Variants in GMPS observed in about 807,000 individuals in gnomAD.
GMPS encodes the protein GMP synthase [glutamine-hydrolyzing].
Under a neutral mutation model 77.9 loss-of-function variants are expected in GMPS, and 15 were observed. The observed-to-expected ratio is 0.19, with a 90% confidence interval of 0.13 to 0.30. The LOEUF is 0.30. Among genes scored for constraint, GMPS ranks in the 10% least tolerant of loss-of-function variants. GMPS has a pLI of 1.00. For synonymous variants in GMPS, 224 were observed against 275.9 expected (o/e 0.81, Z 1.86); for missense variants, 590 against 838.8 (o/e 0.70, Z 3.66).
At chr3:155,870,949 G>C (rs932936524) in intron 1 of GMPS, 52 bp downstream of exon 1, 6 of 1,402,574 alleles carry the variant, frequency 4.3e-6, no homozygotes, top group Non-Finnish European at 4.6e-6. Context: ...CGAGGCTCCC[G>C]GACCGGGGAG....
intron 5 of GMPS, among the ~76,000 whole-genome samples, chr3:155,909,925 G>A (rs1280129063): frequency 6.6e-6 from 1 of 150,920 alleles, no homozygotes; most frequent in African/African-American, 2.4e-5. Context: ...CTGGGTGACA[G>A]AGCAGTAAAT....
At chr3:155,885,090 C>T (rs1053076140) in intron 1 of GMPS, among the ~76,000 whole-genome samples, 42 of 152,136 alleles carry the variant, frequency 2.8e-4, no homozygotes, top group African/African-American at 9.4e-4. Flanking sequence ...ATACGTAACA[C>T]GTAGAAACTA....
intron 1 of GMPS, among the ~76,000 whole-genome samples, chr3:155,882,854 C>T (rs1255424543): frequency 6.6e-6 from 1 of 152,142 alleles, no homozygotes; most frequent in Non-Finnish European, 1.5e-5. Flanking sequence ...GATTCATTCT[C>T]ATTATTAATA....
intron 1 of GMPS, among the ~76,000 whole-genome samples, chr3:155,876,545 C>T (rs1236862604): frequency 6.6e-6 from 1 of 152,162 alleles, no homozygotes; most frequent in African/African-American, 2.4e-5. Context: ...TACTTTAAGG[C>T]AGTTATTCAT....
At chr3:155,886,661 C>A (rs1690580668) in intron 1 of GMPS, among the ~76,000 whole-genome samples, 1 of 132,352 alleles carries the variant, frequency 7.6e-6, no homozygotes, top group Non-Finnish European at 1.6e-5. Flanking sequence ...TGCTCTGTCA[C>A]CCAGGCTGGA....
At chr3:155,889,700 T>A (rs2108067874) in intron 1 of GMPS, among the ~76,000 whole-genome samples, 1 of 152,338 alleles carries the variant, frequency 6.6e-6, no homozygotes, top group East Asian at 1.9e-4. Flanking sequence ...CCATCTCCAC[T>A]TTTCCAGAAT....
intron 1 of GMPS, among the ~76,000 whole-genome samples, chr3:155,888,622 C>T (rs1468695506): frequency 6.7e-6 from 1 of 148,864 alleles, no homozygotes; most frequent in African/African-American, 2.5e-5. Flanking sequence ...GAGTTTCACT[C>T]TTATTCAGGC....
chr3:155,895,997 T>TTTTTTG (rs1219952877), intron 2 of GMPS, among the ~76,000 whole-genome samples: 3 of 151,864 alleles, frequency 2.0e-5, no homozygotes, highest in Admixed American at 6.6e-5. Flanking sequence ...AGCTTCTGTT[T>TTTTTTG]TTTTTGTTTT....
At chr3:155,902,074 A>AGT (rs1177450538) in intron 3 of GMPS, among the ~76,000 whole-genome samples, 1 of 152,200 alleles carries the variant, frequency 6.6e-6, no homozygotes, top group Non-Finnish European at 1.5e-5. Flanking sequence ...GTAGACCTGG[A>AGT]GTACTATATG....
chr3:155,886,247 T>C (rs1394977005), intron 1 of GMPS, among the ~76,000 whole-genome samples: 2 of 151,842 alleles, frequency 1.3e-5, no homozygotes, highest in Non-Finnish European at 2.9e-5. Context: ...ACAGAATACA[T>C]AGAGAAATGG....
At position 155,919,307 on chromosome 3, in the gene GMPS, A is replaced by C. The variant is rs1755261261; in HGVS notation, c.1287A>C (p.Pro429=). ...VRILGRELGL[P]EELVSRHPFP... ...TTTTGGGCAGAGAACTTGGACTTCC[A>C]GAAGAGTTAGTTTCCAGGCATCCAT... The change falls in exon 10 of 16, where the codon CCA becomes CCC. Residue 429 remains proline, a synonymous_variant. Coordinates refer to ENST00000496455, the MANE Select transcript of GMPS (RefSeq NM_003875.3). 1.3e-6 allele frequency: 2 copies of C among 1,590,024 alleles called. No homozygotes were observed.
intron 1 of GMPS, among the ~76,000 whole-genome samples, chr3:155,887,779 A>G (rs1754370349): frequency 6.6e-6 from 1 of 152,000 alleles, no homozygotes; most frequent in Non-Finnish European, 1.5e-5. Context: ...TGAAAGGTAT[A>G]CAGTTTAAGT....
chr3:155,873,065 G>T (rs965161721), intron 1 of GMPS, among the ~76,000 whole-genome samples: 3 of 152,166 alleles, frequency 2.0e-5, no homozygotes, highest in Admixed American at 2.0e-4. Context: ...GGGAGGAAAG[G>T]CTTACTTTGT....
At chr3:155,936,246 G>T (rs1755763096) in intron 14 of GMPS, 92 bp from the exon 15 acceptor site, 9 of 781,906 alleles carry the variant, frequency 1.2e-5, no homozygotes, top group Non-Finnish European at 2.0e-5. Flanking sequence ...GTGTATATGT[G>T]ATTTCAGATA....
At chr3:155,886,733 C>T (rs2108063400) in intron 1 of GMPS, among the ~76,000 whole-genome samples, 1 of 148,842 alleles carries the variant, frequency 6.7e-6, no homozygotes, top group African/African-American at 2.5e-5. Context: ...GTCTCGATCT[C>T]CTGACCTTGT....
chr3:155,908,138 T>C (rs1465103205), intron 5 of GMPS, among the ~76,000 whole-genome samples: 1 of 152,182 alleles, frequency 6.6e-6, no homozygotes, highest in Admixed American at 6.5e-5. Flanking sequence ...GCTAGGAATT[T>C]ATTGTAGTAA....
chr3:155,881,103 A>G (rs1005850501), intron 1 of GMPS, among the ~76,000 whole-genome samples: 1 of 151,346 alleles, frequency 6.6e-6, no homozygotes, highest in African/African-American at 2.4e-5. Context: ...ATGGGGTACA[A>G]TGTGATGTTT....
At chr3:155,885,896 C>T (rs1199006863) in intron 1 of GMPS, among the ~76,000 whole-genome samples, 3 of 152,246 alleles carry the variant, frequency 2.0e-5, no homozygotes, top group Non-Finnish European at 2.9e-5. Context: ...TCTTGGCTCA[C>T]TGCAGCTTCC....
At chr3:155,873,638 C>CTTTTTTTTTTTTTT (rs58365650) in intron 1 of GMPS, among the ~76,000 whole-genome samples, 24,330 of 81,262 alleles carry the variant, frequency 0.3, 8,170 homozygotes, top group Non-Finnish European at 0.42. Context: ...TGAGTAAGTT[C>CTTTTTTTTTTTTTT]TTTTTTTTTT....
Sources: allele counts gnomAD v4.1 joint callset (sites outside exome capture counted in the v4.1 genomes callset), GRCh38; gene constraint gnomAD v4.1.1; transcripts MANE v1.5; gene names NCBI Gene and HGNC (gene_info 2026-07-23, HGNC 2026-07-21).